PLEKHM1: variants seen among roughly 807,000 people sequenced by gnomAD.
PLEKHM1 encodes pleckstrin homology and RUN domain containing M1.
In PLEKHM1, 28 loss-of-function variants were observed where a neutral mutation model predicts 94.3. The observed-to-expected ratio is 0.30, with a 90% confidence interval of 0.22 to 0.41. The LOEUF (loss-of-function observed/expected upper bound fraction) is 0.41. Among genes scored for constraint, PLEKHM1 ranks in the 10% least tolerant of loss-of-function variants. PLEKHM1 has a pLI of 1.00. For synonymous variants in PLEKHM1, 424 were observed against 581.2 expected (o/e 0.73, Z 3.89); for missense variants, 907 against 1,358.6 (o/e 0.67, Z 5.22).
In PLEKHM1 at chr17:45,443,109, C is replaced by T. The variant is rs538792516; in HGVS notation, c.2837+2361G>A. On this transcript the variant is annotated intron_variant, in intron 9 of 11. Transcript: ENST00000430334. ...TTTATTCCCTTTCATAAATTTTCCT[C>T]GCTTGGAAGATTGACCTTTGTAAAG... Among the ~76,000 whole-genome samples the T allele has an allele frequency of 1.4e-4, 21 of 152,180 alleles. No homozygotes were observed. The South Asian group carries it at 3.9e-3, about 29-fold the overall frequency.
chr17:45,466,031 G>A (rs1429683812), intron 5 of PLEKHM1, among the ~76,000 whole-genome samples: 3 of 152,084 alleles, frequency 2.0e-5, no homozygotes, highest in Non-Finnish European at 4.4e-5. Context: ...GAGTTGGCAG[G>A]TGCACAGTCA....
chr17:45,454,246 T>C lies in PLEKHM1; in HGVS notation c.1606A>G (p.Met536Val), dbSNP rs2050876710. Residue 536 changes from methionine (M) to valine (V), a missense_variant, in exon 7 of 12, where the codon ATG becomes GTG. Physicochemically the swap from Met to Val is conservative, Grantham distance 21. Transcript: ENST00000430334. ...CGCCGCTCCACGGTGCCCAGCTTCA[T>C]GAGACCCCGGAATGGGTTGGACAGT... The part of the protein sequence containing the change: ...MGLSNPFRGL[M>V]KLGTVERRGA... 1 of 1,609,758 alleles carries C rather than the reference T, an allele frequency of 6.2e-7. No homozygotes were observed. Among genetic ancestry groups the C allele is most frequent in the Non-Finnish European group, 8.5e-7 (1 of 1,178,276 alleles).
At chr17:45,441,180 T>TC (rs1418547441) in intron 9 of PLEKHM1, 2 of 152,288 alleles carry the variant, frequency 1.3e-5, no homozygotes, top group East Asian at 3.9e-4. Flanking sequence ...GGGAGGTTAC[T>TC]CCAAGTCAGA....
intron 6 of PLEKHM1, among the ~76,000 whole-genome samples, chr17:45,455,205 C>T (rs535814088): frequency 2.6e-5 from 4 of 152,322 alleles, no homozygotes; most frequent in Admixed American, 6.5e-5. Flanking sequence ...GTAGGCTTCT[C>T]TCCCCCCATT....
intron 6 of PLEKHM1, among the ~76,000 whole-genome samples, chr17:45,457,347 G>C (rs1007754830): frequency 1.3e-5 from 2 of 151,940 alleles, no homozygotes; most frequent in African/African-American, 4.8e-5. Context: ...GTGGATCACC[G>C]GAGGTCGGGA....
chr17:45,453,452 C>T lies in PLEKHM1; in HGVS notation c.2400G>A (p.Val800=), dbSNP rs1351124028. 1 of 1,610,380 alleles carries T rather than the reference C, an allele frequency of 6.2e-7. No homozygotes were observed. Among genetic ancestry groups the T allele is most frequent in the African/African-American group, 1.3e-5 (1 of 74,706 alleles). Residue 800 remains valine, a synonymous_variant, in exon 7 of 12, where the codon GTG becomes GTA. Coordinates refer to ENST00000430334, the MANE Select transcript of PLEKHM1 (RefSeq NM_014798.3). This position sits in a 1 kb window ranked among gnomAD's most constrained non-coding sequence, Gnocchi z 4.1. The part of the protein sequence containing the change: ...GGSLDENCQE[V]LKFATRENGF... ...CATTCTCCCGGGTGGCAAATTTCAG[C>T]ACCTCCTGACAGTTTTCATCCAGGC...
chr17:45,477,766 C>T (rs181699011), intron 3 of PLEKHM1, 134 bp downstream of exon 3: 148 of 1,025,918 alleles, frequency 1.4e-4, no homozygotes, highest in East Asian at 6.0e-4. Flanking sequence ...CACTTTCAAC[C>T]CCTACCTCAC....
At chr17:45,478,881 A>C (rs1429621386) in intron 2 of PLEKHM1, among the ~76,000 whole-genome samples, 1 of 152,160 alleles carries the variant, frequency 6.6e-6, no homozygotes, top group African/African-American at 2.4e-5. Context: ...GCTCAGTCCT[A>C]GCTGCCAGTA....
chr17:45,462,889 C>T (rs2051195441), intron 5 of PLEKHM1, among the ~76,000 whole-genome samples: 1 of 151,996 alleles, frequency 6.6e-6, no homozygotes, highest in African/African-American at 2.4e-5. Flanking sequence ...TGAGACCAGC[C>T]TGGCCAACAT....
intron 9 of PLEKHM1, among the ~76,000 whole-genome samples, chr17:45,440,669 C>G (rs2050422278): frequency 6.6e-6 from 1 of 152,228 alleles, no homozygotes; most frequent in Admixed American, 6.5e-5. Flanking sequence ...AATCCCAACT[C>G]TGAGAAGAGG....
rs1271003116 is a variant in PLEKHM1, at chr17:45,437,239, G to C, written c.*619C>G. 1 of 453,930 alleles carries C rather than the reference G, an allele frequency of 2.2e-6. No homozygotes were observed. Among genetic ancestry groups the C allele is most frequent in the Non-Finnish European group, 4.4e-6 (1 of 226,668 alleles). 28.1% of individuals were successfully genotyped at this position (453,930 alleles called of 1,614,324 possible). A position where few individuals can be genotyped will look rare whatever the true frequency, so the allele number is the denominator to read the frequency against. ...GGGTCGCCAGGACTGGCCCTGCCCT[G>C]CTGAGGGGCGGTTTGGCACTGGCAG... On this transcript the variant is annotated 3_prime_UTR_variant, in exon 12 of 12. Transcript: ENST00000430334. The surrounding 1 kb of genome is among the most constrained non-coding windows in gnomAD (Gnocchi z 4.0).
rs9911877 is a variant in PLEKHM1 at position 45,437,171 on chromosome 17, G to A, written c.*687C>T. On this transcript the variant is annotated 3_prime_UTR_variant, in exon 12 of 12. Coordinates refer to ENST00000430334, the MANE Select transcript of PLEKHM1 (RefSeq NM_014798.3). The surrounding 1 kb of genome is among the most constrained non-coding windows in gnomAD (Gnocchi z 4.0). ...TGAGAAAGCGGTGGGCTCAGCAGGC[G>A]AGACGCACTGGGGTGGGGAGTAAAG... 95 of 453,044 alleles carry A rather than the reference G, an allele frequency of 2.1e-4. No individual in the cohort carries two copies. The highest frequency in any genetic ancestry group is 2.1e-3 in the Middle Eastern group (3 of 1,444). 28.1% of individuals were successfully genotyped at this position (453,044 alleles called of 1,614,324 possible).
chr17:45,486,198 CAG>C lies in PLEKHM1; in HGVS notation c.-41-3675_-41-3674del, dbSNP rs1324472217. On this transcript the variant is annotated intron_variant, in intron 1 of 11. Coordinates refer to ENST00000430334, the MANE Select transcript of PLEKHM1 (RefSeq NM_014798.3). ...CGCCACTGCACTCCAGCCTAGGCGACAGAGAGAGACTCCGTCTCAAAAAAAAA... is the reference window on the plus strand; with the variant it reads ...CGCCACTGCACTCCAGCCTAGGCGACAGAGAGACTCCGTCTCAAAAAAAAA... 2.2e-5 allele frequency among the ~76,000 whole-genome samples: 3 copies of C among 134,616 alleles called. No homozygotes were observed. The East Asian group carries it at 6.1e-4, about 27-fold the overall frequency. The allele number at this position is 134,616 out of a possible 152,430, so 88.3% of individuals were successfully genotyped here.
In PLEKHM1 at chr17:45,453,355, C is replaced by T. The variant is rs1164380154; in HGVS notation, c.2497G>A (p.Gly833Ser). The change falls in exon 7 of 12, where the codon GGC becomes AGC. Residue 833 changes from glycine to serine, a missense_variant and splice_region_variant. Transcript: ENST00000430334. The surrounding 1 kb of genome is among the most constrained non-coding windows in gnomAD (Gnocchi z 4.1). ...GLDSQGCFCAGCSRQIGFSFV... is the reference protein window; with the variant it reads ...GLDSQGCFCASCSRQIGFSFV... Reference sequence around the variant, plus strand: ...GGGTGGCAGCAGAGCAAATCGGCACCTGCGCAGAAGCAGCCTTGGGAGTCA... The same window carrying T: ...GGGTGGCAGCAGAGCAAATCGGCACTTGCGCAGAAGCAGCCTTGGGAGTCA... 5.6e-6 allele frequency: 9 copies of T among 1,612,558 alleles called. No individual in the cohort carries two copies. The highest frequency in any genetic ancestry group is 7.6e-6 in the Non-Finnish European group (9 of 1,179,244).
chr17:45,451,804 A>C (rs1275446316), intron 7 of PLEKHM1, among the ~76,000 whole-genome samples: 1 of 152,138 alleles, frequency 6.6e-6, no homozygotes, highest in East Asian at 1.9e-4. Context: ...TCACACCCAC[A>C]GGCGAGGAAC....
At chr17:45,472,875 A>T (rs1478633494) in intron 4 of PLEKHM1, among the ~76,000 whole-genome samples, 1 of 152,162 alleles carries the variant, frequency 6.6e-6, no homozygotes, top group African/African-American at 2.4e-5. Context: ...GAGGGACCTG[A>T]ACCAAGGCGA....
chr17:45,462,678 G>A (rs145464762), intron 5 of PLEKHM1, among the ~76,000 whole-genome samples: 391 of 152,288 alleles, frequency 2.6e-3, no homozygotes, highest in Middle Eastern at 0.01. Context: ...GCCTGCCCGA[G>A]TCATACAAGA....
intron 4 of PLEKHM1, among the ~76,000 whole-genome samples, chr17:45,474,170 C>T (rs1376642465): frequency 6.6e-6 from 1 of 151,752 alleles, no homozygotes; most frequent in East Asian, 1.9e-4. Context: ...CATTCTCCTG[C>T]CTCAGCCGCC....
chr17:45,444,481 C>T lies in PLEKHM1; in HGVS notation c.2837+989G>A, dbSNP rs1326150140. Reference sequence around the variant, plus strand: ...TGGGTAAGAGAAGCTTCCTGAAGGGCATCCTGAGGGCCCCGCCCGGATCAC... The same window carrying T: ...TGGGTAAGAGAAGCTTCCTGAAGGGTATCCTGAGGGCCCCGCCCGGATCAC... On this transcript the variant is annotated intron_variant, in intron 9 of 11. Coordinates refer to ENST00000430334, the MANE Select transcript of PLEKHM1 (RefSeq NM_014798.3). This position sits in a 1 kb window ranked among gnomAD's most constrained non-coding sequence, Gnocchi z 5.0. Among the ~76,000 whole-genome samples the T allele has an allele frequency of 2.0e-5, 3 of 152,212 alleles. No homozygotes were observed. The highest frequency in any genetic ancestry group is 7.2e-5 in the African/African-American group (3 of 41,454).
Sources: allele counts gnomAD v4.1 joint callset (sites outside exome capture counted in the v4.1 genomes callset), GRCh38; gene constraint gnomAD v4.1.1; non-coding constraint Gnocchi (gnomAD v3.1); transcripts MANE v1.5; gene names NCBI Gene and HGNC (gene_info 2026-07-23, HGNC 2026-07-21).